Variants in ATP7B observed in about 807,000 individuals in gnomAD.
The protein encoded by ATP7B is copper-transporting ATPase 2.
Under a neutral mutation model 118.9 loss-of-function variants are expected in ATP7B, and 113 were observed. The ratio of observed to expected loss-of-function variants is 0.95; its 90% CI spans 0.82 to 1.11. ATP7B has a LOEUF of 1.11. Among genes scored for constraint, ATP7B ranks in the 50% most tolerant of loss-of-function variants. ATP7B has a pLI of 0.00. For missense variants in ATP7B, 1,867 were observed against 1,871.4 expected (o/e 1.00, Z 0.04); for synonymous variants, 777 against 727.4 (o/e 1.07, Z -1.10).
At chr13:52,010,762 G>T (rs1266971977) in intron 1 of ATP7B, among the ~76,000 whole-genome samples, 1 of 152,178 alleles carries the variant, frequency 6.6e-6, no homozygotes, top group Non-Finnish European at 1.5e-5. Context: ...AATATTTGCC[G>T]AATGAAGACA....
intron 1 of ATP7B, among the ~76,000 whole-genome samples, chr13:51,997,295 G>T (rs572907335): frequency 6.6e-6 from 1 of 152,232 alleles, no homozygotes; most frequent in Non-Finnish European, 1.5e-5. Context: ...CCCCATAAGT[G>T]ACATCTATTT....
chr13:51,998,691 G>A (rs1039341695), intron 1 of ATP7B, among the ~76,000 whole-genome samples: 1 of 152,142 alleles, frequency 6.6e-6, no homozygotes, highest in Non-Finnish European at 1.5e-5. Context: ...TTCCCAGTCT[G>A]TGGATTTTTC....
intron 16 of ATP7B, 108 bp from the exon 17 acceptor site, chr13:51,939,301 A>C (rs1224906199): frequency 1.2e-5 from 18 of 1,502,900 alleles, no homozygotes; most frequent in African/African-American, 2.8e-5. Context: ...AAAAAACAAA[A>C]CATCAAATTA....
chr13:51,938,154 G>A (rs917107197), intron 17 of ATP7B, among the ~76,000 whole-genome samples: 4 of 152,250 alleles, frequency 2.6e-5, no homozygotes, highest in South Asian at 2.1e-4. Context: ...TCAGCTCCCC[G>A]CGGCATCTCC....
At position 51,937,278 on chromosome 13, in the gene ATP7B, G is replaced by C; in HGVS notation, c.4019C>G (p.Ala1340Gly). 6.2e-7 allele frequency: 1 copy of C among 1,613,686 alleles called. No homozygotes were observed. The highest frequency in any genetic ancestry group is 8.5e-7 in the Non-Finnish European group (1 of 1,179,580). ...IYNLVGIPIA[A>G]GVFMPIGIVL... ...CACAGTGGGTAAGAGCTGCCTACCT[G>C]CTGCAATGGGTATCCCAACCAGGTT... is the stretch of plus-strand genomic sequence containing the variant. The change falls in exon 19 of 21, where the codon GCA (alanine) becomes GGA (glycine). Residue 1340 changes from alanine to glycine, a missense_variant and splice_region_variant. Physicochemically the swap from Ala to Gly is moderately conservative, Grantham distance 60. Coordinates refer to ENST00000242839, the MANE Select transcript of ATP7B (RefSeq NM_000053.4).
intron 2 of ATP7B, among the ~76,000 whole-genome samples, chr13:51,971,543 T>C (rs377046362): frequency 7.9e-5 from 12 of 152,362 alleles, no homozygotes; most frequent in Admixed American, 3.3e-4. Context: ...AATAACCTGA[T>C]TGCACGGTTG....
At chr13:51,969,437 T>C (rs1203873798) in intron 3 of ATP7B, among the ~76,000 whole-genome samples, 1 of 151,952 alleles carries the variant, frequency 6.6e-6, no homozygotes, top group East Asian at 1.9e-4. Flanking sequence ...GGATATCCTT[T>C]TTTTTTTTTC....
chr13:51,939,286 T>C, intron 16 of ATP7B, 93 bp from the exon 17 acceptor site: 4 of 1,567,698 alleles, frequency 2.6e-6, no homozygotes, highest in Non-Finnish European at 2.6e-6. Flanking sequence ...TATAATATTA[T>C]GTGCAAAAAA....
rs755817220 is a variant in ATP7B, at chr13:51,941,086, A to G, written c.3551T>C (p.Ile1184Thr). 5.0e-6 allele frequency: 8 copies of G among 1,614,270 alleles called. No individual in the cohort carries two copies. The highest frequency in any genetic ancestry group is 3.3e-5 in the Admixed American group (2 of 60,032). ...AAGGCAGAAGCAGAAGATACCGTCA[A>G]TAGCCACCAGGATGGCTGTCTGTCC... Reference protein sequence around the residue: ...MKGQTAILVAIDGVLCGMIAI... With the variant: ...MKGQTAILVATDGVLCGMIAI... The change falls in exon 16 of 21, where the codon ATT becomes ACT. Residue 1184 changes from isoleucine (I) to threonine (T), a missense_variant. Physicochemically the swap from Ile to Thr is moderately conservative, Grantham distance 89 (BLOSUM62 -1). Coordinates refer to ENST00000242839, the MANE Select transcript of ATP7B (RefSeq NM_000053.4).
chr13:51,948,814 A>G (rs1957817699), intron 12 of ATP7B, among the ~76,000 whole-genome samples: 5 of 152,184 alleles, frequency 3.3e-5, no homozygotes, highest in Admixed American at 6.5e-5. Context: ...TTCTTCAACC[A>G]CTTTTTTAAA....
At chr13:51,952,252 C>T (rs1371912878) in intron 9 of ATP7B, among the ~76,000 whole-genome samples, 2 of 152,182 alleles carry the variant, frequency 1.3e-5, no homozygotes, top group Admixed American at 6.5e-5. Context: ...CGGCCCAGGG[C>T]CAGCTTCAGC....
At chr13:51,983,040 G>T (rs916179495) in intron 1 of ATP7B, among the ~76,000 whole-genome samples, 5 of 152,132 alleles carry the variant, frequency 3.3e-5, no homozygotes, top group Non-Finnish European at 7.3e-5. Flanking sequence ...TACCCCAGTG[G>T]TGCCTGGAAT....
At chr13:51,973,092 A>G (rs1370991630) in intron 2 of ATP7B, among the ~76,000 whole-genome samples, 1 of 152,152 alleles carries the variant, frequency 6.6e-6, no homozygotes, top group African/African-American at 2.4e-5. Context: ...TTCATCAAAC[A>G]GGGAGAAAAA....
At chr13:51,949,482 C>A (rs934142737) in intron 12 of ATP7B, among the ~76,000 whole-genome samples, 180 bp downstream of exon 12, 2 of 152,068 alleles carry the variant, frequency 1.3e-5, no homozygotes, top group African/African-American at 4.8e-5. Context: ...TAGAAACCTG[C>A]AGAAGGAGAG....
intron 2 of ATP7B, 65 bp from the exon 3 acceptor site, chr13:51,970,814 G>A: frequency 1.9e-6 from 3 of 1,562,440 alleles, no homozygotes; most frequent in Admixed American, 1.7e-5. Flanking sequence ...CAGAACAAGA[G>A]GTTTCAGGGC....
Position 51,994,349 on chromosome 13 carries a change from C to G in ATP7B, c.51+16938G>C, listed in dbSNP as rs141625314. ...CTCACTTCCCTCCCCTAAAACCACTCGAACCTCTGTGTAGAAGCTACCCAA... is the reference window on the plus strand; with the variant it reads ...CTCACTTCCCTCCCCTAAAACCACTGGAACCTCTGTGTAGAAGCTACCCAA... On this transcript the variant is annotated intron_variant, in intron 1 of 20. Coordinates refer to ENST00000242839, the MANE Select transcript of ATP7B (RefSeq NM_000053.4). Among the ~76,000 whole-genome samples the G allele has an allele frequency of 2.0e-4, 31 of 152,286 alleles. No individual in the cohort carries two copies. In the East Asian group the frequency reaches 5.8e-3, roughly 28 times the overall value.
In ATP7B at chr13:51,939,018, C is replaced by G. The variant is rs1217207096; in HGVS notation, c.3699+33G>C. 5.0e-6 allele frequency: 8 copies of G among 1,614,092 alleles called. No individual in the cohort carries two copies. In the African/African-American group the frequency reaches 8.0e-5, roughly 16 times the overall value. The stretch of plus-strand genomic sequence containing the variant: ...TTTTGTCTCTAACTGCTTTTATGAG[C>G]TTTACACAGTTTGCAACATTAAAGG... On this transcript the variant is annotated intron_variant, in intron 17 of 20. Transcript: ENST00000242839.
intron 3 of ATP7B, among the ~76,000 whole-genome samples, 189 bp downstream of exon 3, chr13:51,970,302 CA>C (rs749303096): frequency 1.6e-4 from 25 of 152,266 alleles, no homozygotes; most frequent in Non-Finnish European, 3.2e-4. Context: ...TATTTTATCT[CA>C]AACTAAATAC....
chr13:52,004,438 ACT>A, intron 1 of ATP7B, among the ~76,000 whole-genome samples: 1 of 152,240 alleles, frequency 6.6e-6, no homozygotes, highest in African/African-American at 2.4e-5. Flanking sequence ...GGCTGAGATG[ACT>A]CCAACATTTC....
Sources: gnomAD v4.1 joint callset for allele counts (sites outside exome capture counted in the v4.1 genomes callset) on GRCh38, gnomAD v4.1.1 for gene constraint, MANE v1.5 for transcripts, NCBI Gene and HGNC (gene_info 2026-07-23, HGNC 2026-07-21) for gene names.